MARCHF1: variants seen among roughly 807,000 people sequenced by gnomAD.
The protein encoded by MARCHF1 is E3 ubiquitin-protein ligase MARCHF1.
In MARCHF1, 40 loss-of-function variants were observed where a neutral mutation model predicts 54.2. The ratio of observed to expected loss-of-function variants is 0.74; its 90% CI spans 0.57 to 0.96. The LOEUF (loss-of-function observed/expected upper bound fraction) is 0.96. MARCHF1 is among the 40% of genes least tolerant of loss of function. The pLI, the probability that MARCHF1 is intolerant of heterozygous loss-of-function variation, is 0.00. For synonymous variants in MARCHF1, 236 were observed against 236.3 expected (o/e 1.00, Z 0.01); for missense variants, 586 against 656.5 (o/e 0.89, Z 1.17).
intron 4 of MARCHF1, among the ~76,000 whole-genome samples, chr4:163,730,938 T>G (rs1208239665): frequency 6.6e-6 from 1 of 152,196 alleles, no homozygotes; most frequent in Non-Finnish European, 1.5e-5. Context: ...TGCTAAATTA[T>G]TCTCCTTTTT....
chr4:163,891,945 T>C (rs921145636), intron 3 of MARCHF1, among the ~76,000 whole-genome samples: 1 of 152,200 alleles, frequency 6.6e-6, no homozygotes, highest in African/African-American at 2.4e-5. Context: ...AACTAATATA[T>C]GTGGCATTAA....
Position 163,991,808 on chromosome 4 carries a change from T to A in MARCHF1, c.-247-3099A>T, listed in dbSNP as rs1365807029. Among the ~76,000 whole-genome samples the A allele has an allele frequency of 1.4e-4, 21 of 152,276 alleles. No individual in the cohort carries two copies. In the Middle Eastern group the frequency reaches 0.01, roughly 74 times the overall value. On this transcript the variant is annotated intron_variant, in intron 2 of 9. Transcript: ENST00000514618. ...TTTTTCCATATACATGTCTAAATTG[T>A]ATTTGTTTTGCTTCTACATTCTGGC...
intron 4 of MARCHF1, among the ~76,000 whole-genome samples, chr4:163,782,669 CAA>C (rs779917586): frequency 6.5e-5 from 7 of 108,382 alleles, no homozygotes; most frequent in East Asian, 5.3e-4. Flanking sequence ...ACTCCATCTC[CAA>C]AAAAAAAAAA....
At chr4:163,552,446 G>A (rs1467473211) in intron 8 of MARCHF1, among the ~76,000 whole-genome samples, 2 of 152,196 alleles carry the variant, frequency 1.3e-5, no homozygotes, top group African/African-American at 2.4e-5. Flanking sequence ...GTAATTGGCA[G>A]TCTTACTGAA....
At chr4:163,730,791 G>A (rs545041796) in intron 4 of MARCHF1, among the ~76,000 whole-genome samples, 1 of 152,186 alleles carries the variant, frequency 6.6e-6, no homozygotes, top group Non-Finnish European at 1.5e-5. Context: ...CACATCCAAA[G>A]AGTATGAATT....
At chr4:164,189,279 T>G (rs1731059863) in intron 1 of MARCHF1, 1 of 592,456 alleles carries the variant, frequency 1.7e-6, no homozygotes, top group Non-Finnish European at 3.1e-6. Context: ...CCCTGTCTCC[T>G]CAACATCAAG....
At chr4:163,972,347 T>TA (rs1752563007) in intron 3 of MARCHF1, among the ~76,000 whole-genome samples, 1 of 152,076 alleles carries the variant, frequency 6.6e-6, no homozygotes, top group South Asian at 2.1e-4. Context: ...TAAAGTATAA[T>TA]AAAAAATTTT....
At position 164,125,389 on chromosome 4, in the gene MARCHF1, G is replaced by A. The variant is rs116567580; in HGVS notation, c.-322-13727C>T. 5.9e-3 allele frequency among the ~76,000 whole-genome samples: 904 copies of A among 152,146 alleles called. 9 individuals are homozygous for A. The highest frequency in any genetic ancestry group is 0.021 in the African/African-American group (859 of 41,510). ...GTCATTGCACCTCCCACTCTGCATTGGAAGTTTAGAATAGCAATCAAGCAC... is the reference window on the plus strand; with the variant it reads ...GTCATTGCACCTCCCACTCTGCATTAGAAGTTTAGAATAGCAATCAAGCAC... On this transcript the variant is annotated intron_variant, in intron 1 of 9. Transcript: ENST00000514618.
intron 3 of MARCHF1, among the ~76,000 whole-genome samples, chr4:163,873,039 G>T (rs1021154785): frequency 4.8e-5 from 7 of 145,954 alleles, no homozygotes; most frequent in Non-Finnish European, 7.5e-5. Context: ...GCGAGACTCC[G>T]TCTCAAAAAA....
intron 2 of MARCHF1, among the ~76,000 whole-genome samples, chr4:163,991,562 G>A (rs1330175736): frequency 6.6e-6 from 1 of 152,166 alleles, no homozygotes; most frequent in Non-Finnish European, 1.5e-5. Flanking sequence ...ATCTTGTATA[G>A]TAATTAAACC....
chr4:163,779,576 GA>G (rs142167642), intron 4 of MARCHF1, among the ~76,000 whole-genome samples: 4,688 of 152,056 alleles, frequency 0.031, 106 homozygotes, highest in Non-Finnish European at 0.048. Context: ...CCATAAATGA[GA>G]AAGGAAAAAG....
chr4:164,128,569 A>G (rs1270633080), intron 1 of MARCHF1, among the ~76,000 whole-genome samples: 3 of 152,110 alleles, frequency 2.0e-5, no homozygotes, highest in Non-Finnish European at 2.9e-5. Flanking sequence ...ACCTTGAGAT[A>G]CTATTTCTCA....
chr4:163,760,660 GTAT>G (rs1746802869), intron 4 of MARCHF1, among the ~76,000 whole-genome samples: 1 of 152,120 alleles, frequency 6.6e-6, no homozygotes. Context: ...ATTCCCTTGG[GTAT>G]TATTACAATG....
At chr4:164,351,507 C>A (rs1235274892) in intron 1 of MARCHF1, among the ~76,000 whole-genome samples, 1 of 151,888 alleles carries the variant, frequency 6.6e-6, no homozygotes, top group Non-Finnish European at 1.5e-5. Flanking sequence ...GGCACACTGA[C>A]ACCTCACACG....
At chr4:163,882,293 A>G (rs994839401) in intron 3 of MARCHF1, among the ~76,000 whole-genome samples, 2 of 152,196 alleles carry the variant, frequency 1.3e-5, no homozygotes, top group African/African-American at 4.8e-5. Context: ...TTTTTGCCAA[A>G]GCAAAGATGA....
chr4:163,724,161 A>T (rs1342288226), intron 4 of MARCHF1, among the ~76,000 whole-genome samples: 4 of 151,960 alleles, frequency 2.6e-5, no homozygotes, highest in African/African-American at 9.7e-5. Context: ...GGTTTTATCT[A>T]CCTTTGGTCT....
intron 4 of MARCHF1, among the ~76,000 whole-genome samples, chr4:163,801,292 A>G (rs897910939): frequency 6.6e-6 from 1 of 152,002 alleles, no homozygotes; most frequent in African/African-American, 2.4e-5. Context: ...GTCATAGAAA[A>G]TCCATAAATT....
At chr4:164,140,174 C>T (rs1488982731) in intron 1 of MARCHF1, among the ~76,000 whole-genome samples, 1 of 151,158 alleles carries the variant, frequency 6.6e-6, no homozygotes, top group Non-Finnish European at 1.5e-5. Flanking sequence ...CACTCATGCA[C>T]ACACACACAT....
At chr4:163,715,174 A>C (rs1051558054) in intron 4 of MARCHF1, among the ~76,000 whole-genome samples, 2 of 152,224 alleles carry the variant, frequency 1.3e-5, no homozygotes, top group African/African-American at 4.8e-5. Context: ...CTATTTATGA[A>C]TGTTTGGCAG....
Sources: gnomAD v4.1 joint callset for allele counts (sites outside exome capture counted in the v4.1 genomes callset) on GRCh38, gnomAD v4.1.1 for gene constraint, MANE v1.5 for transcripts, NCBI Gene and HGNC (gene_info 2026-07-23, HGNC 2026-07-21) for gene names.